The following ZFHX3 variants were observed in gnomAD, a reference collection of about 807,000 sequenced individuals.
ZFHX3 encodes zinc finger homeobox 3, also known as zinc finger homeobox protein 3.
In ZFHX3, 42 loss-of-function variants were observed where a neutral mutation model predicts 279.1. The observed-to-expected ratio is 0.15, with a 90% confidence interval of 0.12 to 0.19. The LOEUF is 0.19. Among genes scored for constraint, ZFHX3 ranks in the 10% least tolerant of loss-of-function variants. ZFHX3 has a pLI of 1.00. For missense variants in ZFHX3, 4,981 were observed against 4,754.0 expected (o/e 1.05, Z -1.40); for synonymous variants, 2,293 against 1,957.8 (o/e 1.17, Z -4.52).
chr16:72,949,836 C>A (rs1219740024), intron 3 of ZFHX3, among the ~76,000 whole-genome samples: 1 of 149,242 alleles, frequency 6.7e-6, no homozygotes, highest in Non-Finnish European at 1.5e-5. Flanking sequence ...TAGCCTGCTA[C>A]AAAATTTATC....
At chr16:73,786,902 T>A (rs1413996774) in intron 1 of ZFHX3, among the ~76,000 whole-genome samples, 10 of 152,220 alleles carry the variant, frequency 6.6e-5, no homozygotes, top group Non-Finnish European at 4.4e-5. Flanking sequence ...GCTGAGGTTT[T>A]CATGTTCCAG....
intron 7 of ZFHX3, chr16:73,126,891 A>T (rs573248583): frequency 2.6e-5 from 4 of 155,112 alleles, no homozygotes; most frequent in African/African-American, 9.6e-5. Flanking sequence ...AGAGGGATGG[A>T]TGGCCGACAC....
chr16:73,698,943 G>GT (rs879612357), intron 1 of ZFHX3, among the ~76,000 whole-genome samples: 80 of 152,234 alleles, frequency 5.3e-4, no homozygotes, highest in Admixed American at 1.0e-3. Context: ...GGAGTGCAGT[G>GT]GCGTGATCTC....
intron 4 of ZFHX3, among the ~76,000 whole-genome samples, chr16:73,259,832 ACT>A (rs1243148760): frequency 1.3e-5 from 2 of 152,180 alleles, no homozygotes; most frequent in African/African-American, 2.4e-5. Flanking sequence ...AATGATGTTA[ACT>A]CTGACAATTT....
intron 3 of ZFHX3, among the ~76,000 whole-genome samples, chr16:73,334,213 A>G (rs2015863458): frequency 1.3e-5 from 2 of 152,146 alleles, no homozygotes; most frequent in African/African-American, 2.4e-5. Context: ...GAGGGTCACC[A>G]GCTTCATCGC....
At position 73,817,044 on chromosome 16, in the gene ZFHX3, G is replaced by T. The variant is rs575845341; in HGVS notation, c.-1608+74607C>A. The stretch of plus-strand genomic sequence containing the variant: ...ATGAGTAAGGGAGACAGTAGGAAAG[G>T]TGGAGCTATGTGACTTGTGATCACT... On this transcript the variant is annotated intron_variant, in intron 1 of 17. Transcript: ENST00000641206. Among the ~76,000 whole-genome samples, 4 of 152,334 alleles carry T rather than the reference G, an allele frequency of 2.6e-5. No homozygotes were observed. The South Asian group carries it at 8.3e-4, about 32-fold the overall frequency.
chr16:72,970,527 C>G (rs1445254023), intron 1 of ZFHX3, among the ~76,000 whole-genome samples: 1 of 152,120 alleles, frequency 6.6e-6, no homozygotes, highest in African/African-American at 2.4e-5. Context: ...GCACGGATCC[C>G]CTCCCGGATT....
intron 4 of ZFHX3, among the ~76,000 whole-genome samples, chr16:72,863,537 C>CAG (rs374148445): frequency 3.4e-4 from 50 of 148,330 alleles, no homozygotes; most frequent in Admixed American, 4.0e-4. Flanking sequence ...CAGAGACAGA[C>CAG]AGAGAGAGAG....
chr16:73,739,511 A>G (rs1003240769), intron 1 of ZFHX3, among the ~76,000 whole-genome samples: 1 of 152,014 alleles, frequency 6.6e-6, no homozygotes, highest in Non-Finnish European at 1.5e-5. Context: ...TGTCTCCCCA[A>G]ATTGAGAACT....
chr16:73,290,250 C>T (rs928672743), intron 4 of ZFHX3, among the ~76,000 whole-genome samples: 11 of 152,032 alleles, frequency 7.2e-5, no homozygotes, highest in South Asian at 2.1e-4. Context: ...CCTAACCAAA[C>T]GATGGGAAGT....
At chr16:73,813,006 C>T (rs1324949908) in intron 1 of ZFHX3, among the ~76,000 whole-genome samples, 1 of 152,228 alleles carries the variant, frequency 6.6e-6, no homozygotes, top group African/African-American at 2.4e-5. Flanking sequence ...GTAGATATTA[C>T]TCCTACTGTG....
At chr16:73,287,254 G>T (rs1366609176) in intron 4 of ZFHX3, among the ~76,000 whole-genome samples, 3 of 147,390 alleles carry the variant, frequency 2.0e-5, no homozygotes, top group Non-Finnish European at 4.5e-5. Context: ...TGGGTGTGTG[G>T]GTGTGTAGGC....
Position 73,301,957 on chromosome 16 carries a change from T to C in ZFHX3, c.-1194+16283A>G, listed in dbSNP as rs79941738. On this transcript the variant is annotated intron_variant, in intron 4 of 17. Transcript: ENST00000641206. ...GCGGCAACCACAAGGCCCGACAGAG[T>C]CCATGCAAGCCACAAACCCACGCAG... is the stretch of plus-strand genomic sequence containing the variant. Among the ~76,000 whole-genome samples, 1,009 of 151,364 alleles carry C rather than the reference T, an allele frequency of 6.7e-3. 35 individuals are homozygous for C. In the East Asian group the frequency reaches 0.078, roughly 12 times the overall value.
At chr16:73,590,494 G>C (rs2051983010) in intron 2 of ZFHX3, among the ~76,000 whole-genome samples, 1 of 152,160 alleles carries the variant, frequency 6.6e-6, no homozygotes. Context: ...TGGGTCAAGA[G>C]CAGCAACAGT....
chr16:73,331,937 G>C (rs1413378105), intron 3 of ZFHX3, among the ~76,000 whole-genome samples: 1 of 152,096 alleles, frequency 6.6e-6, no homozygotes, highest in Non-Finnish European at 1.5e-5. Context: ...GAAATCAGTG[G>C]TTAAAAGTCC....
At chr16:73,069,499 C>T (rs778681116) in intron 8 of ZFHX3, among the ~76,000 whole-genome samples, 1 of 152,112 alleles carries the variant, frequency 6.6e-6, no homozygotes, top group South Asian at 2.1e-4. Context: ...CCATGCAGTG[C>T]TATAAACTGA....
intron 1 of ZFHX3, among the ~76,000 whole-genome samples, chr16:73,727,156 G>A (rs1363309392): frequency 6.6e-6 from 1 of 152,192 alleles, no homozygotes; most frequent in Non-Finnish European, 1.5e-5. Flanking sequence ...GGGACCAGAT[G>A]CAGTGGCCAG....
chr16:72,999,741 C>T (rs1395757349), intron 1 of ZFHX3, among the ~76,000 whole-genome samples: 1 of 151,832 alleles, frequency 6.6e-6, no homozygotes, highest in Non-Finnish European at 1.5e-5. Context: ...CCTGAGCCCA[C>T]GAGACCACAC....
intron 4 of ZFHX3, among the ~76,000 whole-genome samples, chr16:72,868,071 A>G (rs892077093): frequency 2.6e-5 from 4 of 152,244 alleles, no homozygotes; most frequent in African/African-American, 9.6e-5. Flanking sequence ...TTTAGGGATG[A>G]ATAGTAAGCA....
Sources: gnomAD v4.1 joint callset for allele counts (sites outside exome capture counted in the v4.1 genomes callset) on GRCh38, gnomAD v4.1.1 for gene constraint, MANE v1.5 for transcripts, NCBI Gene and HGNC (gene_info 2026-07-23, HGNC 2026-07-21) for gene names.